ZNF654: variants seen among roughly 807,000 people sequenced by gnomAD.
ZNF654 encodes melanoma-associated antigen.
ZNF654 carries 19 observed loss-of-function variants against 95.3 expected under a neutral mutation model. That is an observed-to-expected ratio of 0.20 (90% CI 0.14 to 0.29). The LOEUF is 0.29. Ranked by LOEUF, ZNF654 falls within the 10% of genes least tolerant of loss-of-function variation. The probability of loss-of-function intolerance (pLI) is 1.00; values close to 1 mark genes in which losing one functional copy is unlikely to be tolerated. For missense variants in ZNF654, 1,046 were observed against 1,341.0 expected (o/e 0.78, Z 3.44); for synonymous variants, 413 against 457.9 (o/e 0.90, Z 1.25).
intron 1 of ZNF654, among the ~76,000 whole-genome samples, chr3:88,069,136 C>G (rs1331383148): frequency 1.8e-5 from 1 of 56,634 alleles, no homozygotes; most frequent in Non-Finnish European, 5.4e-5. Flanking sequence ...AGAAGTGATT[C>G]TCAGGCCAGG....
At chr3:88,071,532 G>A (rs1232209966) in intron 1 of ZNF654, among the ~76,000 whole-genome samples, 3 of 152,218 alleles carry the variant, frequency 2.0e-5, no homozygotes, top group Non-Finnish European at 4.4e-5. Flanking sequence ...TGTAGTCCCA[G>A]CTACTTGGCA....
intron 5 of ZNF654, among the ~76,000 whole-genome samples, 166 bp from the exon 6 acceptor site, chr3:88,129,521 C>A (rs762227598): frequency 2.0e-5 from 3 of 152,056 alleles, no homozygotes; most frequent in Non-Finnish European, 4.4e-5. Context: ...AGGTGCTGTA[C>A]AGTGAAACTA....
rs60775949 is a variant in ZNF654 at position 88,064,145 on chromosome 3, T to C, written c.186+4640T>C. On this transcript the variant is annotated intron_variant, in intron 1 of 8. Coordinates refer to ENST00000636215, the MANE Select transcript of ZNF654 (RefSeq NM_001350134.2). Reference sequence around the variant, plus strand: ...TTTTGCCACAGCTTATAACAAAAAATAGCAGTCATGCCCTGTCCTCTTCCT... The same window carrying C: ...TTTTGCCACAGCTTATAACAAAAAACAGCAGTCATGCCCTGTCCTCTTCCT... Among the ~76,000 whole-genome samples the C allele has an allele frequency of 3.1e-3, 455 of 147,000 alleles. 3 individuals carry two copies. Among genetic ancestry groups the C allele is most frequent in the African/African-American group, 0.011 (437 of 39,960 alleles).
At chr3:88,066,438 G>A (rs1227082023) in intron 1 of ZNF654, among the ~76,000 whole-genome samples, 3 of 152,104 alleles carry the variant, frequency 2.0e-5, no homozygotes, top group Non-Finnish European at 4.4e-5. Flanking sequence ...GCTGGGTGTG[G>A]TGGCACACAC....
Position 88,140,950 on chromosome 3 carries a change from G to T in ZNF654, c.3281G>T (p.Gly1094Val). The change falls in exon 8 of 9, where the codon GGC (glycine) becomes GTC (valine). Residue 1094 changes from glycine to valine, a missense_variant. This residue lies in a region of ZNF654 where 59 missense variants were observed against 73.0 expected (regional missense o/e 0.81). Coordinates refer to ENST00000636215, the MANE Select transcript of ZNF654 (RefSeq NM_001350134.2). ...YKKSVKRLRC[G>V]KCLTTYCNAE... ...AAATCAGTGAAAAGATTAAGATGTG[G>T]CAAATGCCTGACCACCTACTGTAAT... 6.2e-7 allele frequency: 1 copy of T among 1,613,398 alleles called. No homozygotes were observed. Among genetic ancestry groups the T allele is most frequent in the Non-Finnish European group, 8.5e-7 (1 of 1,179,552 alleles).
intron 8 of ZNF654, among the ~76,000 whole-genome samples, 200 bp from the exon 9 acceptor site, chr3:88,141,445 G>A (rs1331418996): frequency 6.6e-6 from 1 of 151,992 alleles, no homozygotes; most frequent in East Asian, 1.9e-4. Context: ...TAAATCAAGT[G>A]AATCTGTGTC....
At chr3:88,062,644 TTTC>T (rs936417587) in intron 1 of ZNF654, among the ~76,000 whole-genome samples, 1 of 152,196 alleles carries the variant, frequency 6.6e-6, no homozygotes, top group African/African-American at 2.4e-5. Context: ...GTTAAGATAC[TTTC>T]TTCTTAGTTC....
At position 88,117,110 on chromosome 3, in the gene ZNF654, T is replaced by C. The variant is rs371563152; in HGVS notation, c.414+3914T>C. On this transcript the variant is annotated intron_variant, in intron 3 of 8. Coordinates refer to ENST00000636215, the MANE Select transcript of ZNF654 (RefSeq NM_001350134.2). ...CGAAAGAACATACAGAGGTAAAATA[T>C]TATATAGAGATGGAACTATCAAATT... is the stretch of plus-strand genomic sequence containing the variant. Among the ~76,000 whole-genome samples, 194 of 152,228 alleles carry C rather than the reference T, an allele frequency of 1.3e-3. 1 individual carries two copies. Among genetic ancestry groups the C allele is most frequent in the Non-Finnish European group, 1.7e-3 (116 of 68,006 alleles).
chr3:88,129,352 A>T (rs1706311574), intron 5 of ZNF654, among the ~76,000 whole-genome samples: 1 of 150,358 alleles, frequency 6.7e-6, no homozygotes, highest in Admixed American at 6.6e-5. Flanking sequence ...AAAACCCAAG[A>T]AGCATTATGA....
intron 2 of ZNF654, among the ~76,000 whole-genome samples, chr3:88,097,768 T>C (rs1704150900): frequency 1.3e-5 from 2 of 152,160 alleles, no homozygotes; most frequent in Non-Finnish European, 2.9e-5. Context: ...GAAATAAAGA[T>C]GTTCTTTGAA....
At chr3:88,112,301 CT>C (rs1325366762) in intron 2 of ZNF654, among the ~76,000 whole-genome samples, 1 of 151,238 alleles carries the variant, frequency 6.6e-6, no homozygotes. Flanking sequence ...AAAAAAACAA[CT>C]TTAGGTAGTT....
intron 2 of ZNF654, among the ~76,000 whole-genome samples, chr3:88,090,840 A>G (rs910089131): frequency 6.6e-6 from 1 of 152,176 alleles, no homozygotes; most frequent in Non-Finnish European, 1.5e-5. Context: ...ATACAGTAAC[A>G]CTGACGACAT....
intron 2 of ZNF654, among the ~76,000 whole-genome samples, chr3:88,107,186 A>G (rs1009016413): frequency 1.3e-5 from 2 of 152,202 alleles, no homozygotes; most frequent in African/African-American, 4.8e-5. Context: ...TATACACTTT[A>G]TATACTTTAT....
At chr3:88,134,461 A>T (rs1161248442) in intron 6 of ZNF654, among the ~76,000 whole-genome samples, 1 of 152,038 alleles carries the variant, frequency 6.6e-6, no homozygotes, top group Non-Finnish European at 1.5e-5. Flanking sequence ...TTGCCTAAAA[A>T]CCCACCGCTC....
chr3:88,099,735 A>T (rs1306178716), intron 2 of ZNF654, among the ~76,000 whole-genome samples: 1 of 152,188 alleles, frequency 6.6e-6, no homozygotes, highest in African/African-American at 2.4e-5. Context: ...AGGATTCCCT[A>T]TTTAATAAAT....
intron 1 of ZNF654, among the ~76,000 whole-genome samples, chr3:88,067,349 G>A (rs1283926351): frequency 6.6e-6 from 1 of 152,222 alleles, no homozygotes; most frequent in Non-Finnish European, 1.5e-5. Flanking sequence ...CCTCATCCAA[G>A]GAGAGATCTT....
intron 1 of ZNF654, among the ~76,000 whole-genome samples, chr3:88,070,431 T>C (rs938250823): frequency 6.7e-6 from 1 of 149,526 alleles, no homozygotes; most frequent in South Asian, 2.1e-4. Flanking sequence ...CCAAATTTCT[T>C]TTTTTTTTTA....
At chr3:88,066,182 T>C (rs1200297470) in intron 1 of ZNF654, among the ~76,000 whole-genome samples, 4 of 152,218 alleles carry the variant, frequency 2.6e-5, no homozygotes, top group Non-Finnish European at 5.9e-5. Flanking sequence ...GAATGACCAA[T>C]GAGGTTCTAA....
chr3:88,139,796 T>G lies in ZNF654; in HGVS notation c.2127T>G (p.Asp709Glu), dbSNP rs568647405. The stretch of plus-strand genomic sequence containing the variant: ...AGGAGGAAGAGGATGAAGAAGGTGA[T>G]TATGAAGAAGATGATTATGACCTGA... The part of the protein sequence containing the change: ...DYEEEEDEEG[D>E]YEEDDYDLNQ... The change falls in exon 8 of 9, where the codon GAT becomes GAG. Residue 709 changes from aspartate to glutamate, a missense_variant. Asp to Glu is a conservative substitution (Grantham distance 45). Transcript: ENST00000636215. 5.8e-6 allele frequency: 9 copies of G among 1,556,308 alleles called. No individual in the cohort carries two copies. The Admixed American group carries it at 1.8e-4, about 30-fold the overall frequency.
Sources: allele counts gnomAD v4.1 joint callset (sites outside exome capture counted in the v4.1 genomes callset), GRCh38; gene constraint gnomAD v4.1.1; regional missense constraint gnomAD v4.1.1; transcripts MANE v1.5; gene names NCBI Gene and HGNC (gene_info 2026-07-23, HGNC 2026-07-21).